The following ZNF567 variants were observed in gnomAD, a reference collection of about 807,000 sequenced individuals.
ZNF567 encodes zinc finger protein 567.
A neutral mutation model predicts 53.9 loss-of-function variants in ZNF567; 36 were observed. The ratio of observed to expected loss-of-function variants is 0.67; its 90% CI spans 0.51 to 0.88. The LOEUF is 0.88. ZNF567 is among the 40% of genes least tolerant of loss of function. The pLI is 0.00. For synonymous variants in ZNF567, 224 were observed against 260.4 expected (o/e 0.86, Z 1.35); for missense variants, 619 against 764.7 (o/e 0.81, Z 2.25).
chr19:36,712,432 A>G lies in ZNF567; in HGVS notation c.56A>G (p.Glu19Gly). ...GTGACTGTGGACTTCACTCAGGAGG[A>G]GTGGCAGCACCTGGATCATGCTCAG... is the stretch of plus-strand genomic sequence containing the variant. ...NDVTVDFTQE[E>G]WQHLDHAQKT... The change falls in exon 4 of 6, where the codon GAG becomes GGG. Residue 19 changes from glutamate to glycine, a missense_variant. By Grantham distance (98) the Glu-to-Gly change is moderately conservative. Transcript: ENST00000682579. 6.2e-7 allele frequency: 1 copy of G among 1,613,990 alleles called. No individual in the cohort carries two copies.
At chr19:36,702,200 A>T (rs895854442) in intron 3 of ZNF567, among the ~76,000 whole-genome samples, 1 of 152,004 alleles carries the variant, frequency 6.6e-6, no homozygotes, top group Non-Finnish European at 1.5e-5. Flanking sequence ...GTTTGGCTGG[A>T]TATGAAATTC....
the ZNF567 span, among the ~76,000 whole-genome samples, chr19:36,682,093 T>C: frequency 6.6e-6 from 1 of 151,756 alleles, no homozygotes; most frequent in African/African-American, 2.4e-5. Context: ...CCGGGGAACA[T>C]AGTGAGACCC....
At chr19:36,683,744 AT>A (rs2038221319), upstream of ZNF567, among the ~76,000 whole-genome samples, 2 of 152,134 alleles carry the variant, frequency 1.3e-5, no homozygotes, top group South Asian at 4.1e-4. Context: ...AGGTGGGGGA[AT>A]TGCTGGAACC....
At chr19:36,673,856 T>C in the ZNF567 span, among the ~76,000 whole-genome samples, 1 of 152,170 alleles carries the variant, frequency 6.6e-6, no homozygotes, top group African/African-American at 2.4e-5. Flanking sequence ...AGGTGAGGCA[T>C]CAAGAGCTTA....
intron 3 of ZNF567, among the ~76,000 whole-genome samples, chr19:36,702,970 A>T (rs1568694788): frequency 6.6e-6 from 1 of 152,136 alleles, no homozygotes; most frequent in Non-Finnish European, 1.5e-5. Flanking sequence ...GCTGGTGAGG[A>T]ACTGTGTTCC....
chr19:36,697,990 T>C (rs546729136), intron 3 of ZNF567, among the ~76,000 whole-genome samples: 64 of 151,492 alleles, frequency 4.2e-4, no homozygotes, highest in African/African-American at 1.6e-3. Context: ...TAGTTACATA[T>C]GTATACATGT....
chr19:36,675,123 T>G, the ZNF567 span, among the ~76,000 whole-genome samples: 1 of 152,168 alleles, frequency 6.6e-6, no homozygotes, highest in Non-Finnish European at 1.5e-5. Flanking sequence ...CATTCTAAAA[T>G]CAACAGATGT....
At chr19:36,679,821 G>T in the ZNF567 span, among the ~76,000 whole-genome samples, 1 of 152,258 alleles carries the variant, frequency 6.6e-6, no homozygotes, top group East Asian at 1.9e-4. Context: ...CCAAAGGTTG[G>T]GGGGTGGGGA....
At position 36,718,959 on chromosome 19, in the gene ZNF567, A is replaced by G. The variant is rs2040190460; in HGVS notation, c.235A>G (p.Lys79Glu). ...ATATTCTTTTCTAGAAGAAAACTGG[A>G]AAGCTGAAGACTTTTTAGTGAAATT... ...AGHTCLEENW[K>E]AEDFLVKFKE... The change falls in exon 6 of 6, where the codon AAA (lysine) becomes GAA (glutamate). Residue 79 changes from lysine (K) to glutamate (E), a missense_variant. Lys to Glu is a moderately conservative substitution (Grantham distance 56). Coordinates refer to ENST00000682579, the MANE Select transcript of ZNF567 (RefSeq NM_001322917.1). 6.4e-7 allele frequency: 1 copy of G among 1,557,404 alleles called. No homozygotes were observed. The highest frequency in any genetic ancestry group is 8.6e-7 in the Non-Finnish European group (1 of 1,159,448).
At chr19:36,697,923 T>C (rs953815707) in intron 3 of ZNF567, among the ~76,000 whole-genome samples, 20 of 151,492 alleles carry the variant, frequency 1.3e-4, no homozygotes, top group African/African-American at 4.8e-4. Flanking sequence ...AATTTCTTTT[T>C]TTTTTTTTTT....
the ZNF567 span, among the ~76,000 whole-genome samples, chr19:36,671,589 T>C: frequency 6.6e-6 from 1 of 152,162 alleles, no homozygotes; most frequent in Non-Finnish European, 1.5e-5. Flanking sequence ...TAATGGTGCC[T>C]CAAGTGTCAG....
At chr19:36,707,670 C>G (rs181306526) in intron 3 of ZNF567, among the ~76,000 whole-genome samples, 22 of 152,100 alleles carry the variant, frequency 1.4e-4, no homozygotes, top group Admixed American at 7.9e-4. Context: ...CTCTGCCTTC[C>G]GGGTTTAAGT....
chr19:36,711,068 C>CTT (rs201185857), intron 3 of ZNF567, among the ~76,000 whole-genome samples: 9 of 136,576 alleles, frequency 6.6e-5, no homozygotes, highest in African/African-American at 2.3e-4. Context: ...CCAGCTCTCA[C>CTT]TTTTTGTGTG....
In ZNF567 at chr19:36,712,427, G is replaced by A. The variant is rs541754461; in HGVS notation, c.51G>A (p.Gln17=). The change falls in exon 4 of 6, where the codon CAG becomes CAA. Residue 17 remains glutamine (Q), a synonymous_variant. Transcript: ENST00000682579. ...ATGATGTGACTGTGGACTTCACTCA[G>A]GAGGAGTGGCAGCACCTGGATCATG... ...SFNDVTVDFT[Q]EEWQHLDHAQ... is the part of the protein sequence containing the mutation. 40 of 1,614,052 alleles carry A rather than the reference G, an allele frequency of 2.5e-5. No homozygotes were observed. The African/African-American group carries it at 4.8e-4, about 19-fold the overall frequency.
chr19:36,700,358 C>A (rs1356539037), intron 3 of ZNF567, among the ~76,000 whole-genome samples: 4 of 149,660 alleles, frequency 2.7e-5, no homozygotes, highest in African/African-American at 7.4e-5. Context: ...CATCAATGTT[C>A]ATCAAGGATA....
Position 36,698,748 on chromosome 19 carries a change from G to C in ZNF567, c.9+3872G>C, listed in dbSNP as rs374852688. Among the ~76,000 whole-genome samples the C allele has an allele frequency of 1.3e-4, 19 of 151,782 alleles. No individual in the cohort carries two copies. In the East Asian group the frequency reaches 2.9e-3, roughly 23 times the overall value. Reference sequence around the variant, plus strand: ...CTTTTGAGAAGTGTCTGTTCATATCGTTTGCCCACTTTTTGATGGGGTTGT... The same window carrying C: ...CTTTTGAGAAGTGTCTGTTCATATCCTTTGCCCACTTTTTGATGGGGTTGT... On this transcript the variant is annotated intron_variant, in intron 3 of 5. Transcript: ENST00000682579.
upstream of ZNF567, among the ~76,000 whole-genome samples, chr19:36,682,832 C>T (rs1456497380): frequency 6.6e-6 from 1 of 151,854 alleles, no homozygotes; most frequent in African/African-American, 2.4e-5. Context: ...TGGTCTCAAT[C>T]TCCTGACCTC....
the ZNF567 span, chr19:36,669,309 G>C: frequency 6.6e-6 from 1 of 152,164 alleles, no homozygotes; most frequent in Non-Finnish European, 1.5e-5. Context: ...CTTTGAGGTT[G>C]ATGTGTATGT....
At chr19:36,714,419 C>T in intron 5 of ZNF567, 1 of 397,844 alleles carries the variant, frequency 2.5e-6, no homozygotes, top group Non-Finnish European at 4.4e-6. Flanking sequence ...ACCTCGGCCT[C>T]ACAAAGTGCT....
Sources: allele counts gnomAD v4.1 joint callset (sites outside exome capture counted in the v4.1 genomes callset), GRCh38; gene constraint gnomAD v4.1.1; transcripts MANE v1.5; gene names NCBI Gene and HGNC (gene_info 2026-07-23, HGNC 2026-07-21).